GSG1L: variants seen among roughly 807,000 people sequenced by gnomAD.
GSG1L encodes the protein GSG1 like.
GSG1L carries 24 observed loss-of-function variants against 42.1 expected under a neutral mutation model. The observed-to-expected ratio is 0.57, with a 90% CI of 0.41 to 0.80. GSG1L has a LOEUF of 0.80. Ranked by LOEUF, GSG1L falls within the 30% of genes least tolerant of loss-of-function variation. GSG1L has a pLI of 0.00. For synonymous variants in GSG1L, 215 were observed against 203.5 expected, an observed-to-expected ratio of 1.06 and a Z score of -0.48; for missense variants, 445 against 472.2, an observed-to-expected ratio of 0.94 and a Z score of 0.53.
chr16:27,829,139 A>C (rs1362968953), intron 4 of GSG1L, among the ~76,000 whole-genome samples, 183 bp from the exon 5 acceptor site: 2 of 152,198 alleles, frequency 1.3e-5, no homozygotes, highest in African/African-American at 2.4e-5. Context: ...GGAGACAGAG[A>C]ATTATCTGCA....
intron 2 of GSG1L, among the ~76,000 whole-genome samples, chr16:27,890,528 G>A (rs1567507126): frequency 6.6e-6 from 1 of 152,224 alleles, no homozygotes; most frequent in African/African-American, 2.4e-5. Context: ...ATGAGGACAA[G>A]TAGATAAACT....
intron 3 of GSG1L, among the ~76,000 whole-genome samples, chr16:27,861,318 A>G (rs1453655089): frequency 1.3e-5 from 2 of 152,120 alleles, no homozygotes; most frequent in Non-Finnish European, 2.9e-5. Context: ...CGGAGGTTGC[A>G]GTGAGCCGAG....
intron 2 of GSG1L, among the ~76,000 whole-genome samples, chr16:27,931,204 T>A (rs775736171): frequency 6.6e-6 from 1 of 152,200 alleles, no homozygotes; most frequent in Non-Finnish European, 1.5e-5. Flanking sequence ...ACAACAAATT[T>A]CCCATCTCAG....
chr16:27,850,832 C>T (rs1022573212), intron 3 of GSG1L, among the ~76,000 whole-genome samples: 3 of 149,370 alleles, frequency 2.0e-5, no homozygotes, highest in African/African-American at 7.5e-5. Context: ...GTACAGACAG[C>T]GTCCCTCCAT....
At chr16:27,796,901 G>T (rs970272933) in intron 6 of GSG1L, among the ~76,000 whole-genome samples, 1 of 152,250 alleles carries the variant, frequency 6.6e-6, no homozygotes, top group South Asian at 2.1e-4. Flanking sequence ...CTGGCTGCTG[G>T]GTTTACAGAC....
At chr16:27,795,884 GC>G (rs1228029560) in intron 6 of GSG1L, among the ~76,000 whole-genome samples, 1 of 152,072 alleles carries the variant, frequency 6.6e-6, no homozygotes, top group Non-Finnish European at 1.5e-5. Context: ...CCCTCTCTAA[GC>G]CACCAAGATC....
intron 2 of GSG1L, chr16:27,888,084 G>A: frequency 1.0e-6 from 1 of 985,144 alleles, no homozygotes; most frequent in Non-Finnish European, 1.2e-6. Context: ...TGCTCCTATC[G>A]CTGGGTTTCC....
chr16:27,944,416 G>A (rs1197221697), intron 2 of GSG1L, among the ~76,000 whole-genome samples: 1 of 152,014 alleles, frequency 6.6e-6, no homozygotes, highest in Non-Finnish European at 1.5e-5. Context: ...GAGGTCAGGA[G>A]TTTGAGACCA....
chr16:27,854,432 G>A (rs1365580340), intron 3 of GSG1L, among the ~76,000 whole-genome samples: 1 of 152,094 alleles, frequency 6.6e-6, no homozygotes, highest in Non-Finnish European at 1.5e-5. Context: ...ATATGAGCAG[G>A]GCTTCCCTAA....
At position 27,789,158 on chromosome 16, in the gene GSG1L, TGATGGATGATGGATAGATGAAGG is replaced by T. The variant is rs1270564348; in HGVS notation, c.*2189_*2211del. The stretch of plus-strand genomic sequence containing the variant: ...ATGGATGGATGAATGGATGGATAAT[TGATGGATGATGGATAGATGAAGG>T]AATGGATGGATGATAGATAGGTGTA... On this transcript the variant is annotated 3_prime_UTR_variant, in exon 7 of 7. Coordinates refer to ENST00000447459, the MANE Select transcript of GSG1L (RefSeq NM_001109763.2). 2.6e-5 allele frequency: 4 copies of T among 151,642 alleles called. No homozygotes were observed. Among genetic ancestry groups the T allele is most frequent in the African/African-American group, 9.7e-5 (4 of 41,242 alleles). The allele number at this position is 151,642 out of a possible 1,614,324, so 9.4% of individuals were successfully genotyped here.
At chr16:27,874,539 C>T (rs1298050746) in intron 3 of GSG1L, among the ~76,000 whole-genome samples, 1 of 145,680 alleles carries the variant, frequency 6.9e-6, no homozygotes, top group African/African-American at 2.5e-5. Flanking sequence ...CCTCCTCAAC[C>T]TCCCAGGCTC....
intron 2 of GSG1L, among the ~76,000 whole-genome samples, chr16:27,932,458 A>C (rs2084667409): frequency 6.6e-6 from 1 of 152,196 alleles, no homozygotes; most frequent in Non-Finnish European, 1.5e-5. Context: ...CAATCATAGC[A>C]AAAGGCAAAG....
At chr16:27,892,207 C>T (rs1194941203) in intron 2 of GSG1L, among the ~76,000 whole-genome samples, 2 of 152,106 alleles carry the variant, frequency 1.3e-5, no homozygotes, top group Non-Finnish European at 2.9e-5. Context: ...CTAATCCCAG[C>T]GCTTTGAGAG....
chr16:27,997,309 CTTT>C (rs34188570), intron 1 of GSG1L, among the ~76,000 whole-genome samples: 1 of 70,594 alleles, frequency 1.4e-5, no homozygotes, highest in Admixed American at 1.9e-4. Flanking sequence ...GTGTTCTCCA[CTTT>C]TTTTTTTTTT....
In GSG1L at chr16:27,821,853, G is replaced by A. The variant is rs148978412; in HGVS notation, c.830+6936C>T. On this transcript the variant is annotated intron_variant, in intron 5 of 6. Transcript: ENST00000447459. ...CAGGAGGCAGAGCTTGCAGTGAGCAGAGATCACGCCACTGCACTCCAGCCT... is the reference window on the plus strand; with the variant it reads ...CAGGAGGCAGAGCTTGCAGTGAGCAAAGATCACGCCACTGCACTCCAGCCT... Among the ~76,000 whole-genome samples the A allele has an allele frequency of 4.6e-4, 70 of 152,258 alleles. 4 individuals carry two copies. In the East Asian group the frequency reaches 0.011, roughly 24 times the overall value.
intron 1 of GSG1L, among the ~76,000 whole-genome samples, chr16:28,010,103 G>A (rs1475508242): frequency 2.6e-5 from 4 of 152,192 alleles, no homozygotes; most frequent in Non-Finnish European, 5.9e-5. Context: ...AAGAGACACC[G>A]GGAACTCCTT....
At chr16:27,992,977 T>C (rs2085471760) in intron 1 of GSG1L, among the ~76,000 whole-genome samples, 1 of 152,202 alleles carries the variant, frequency 6.6e-6, no homozygotes, top group Admixed American at 6.5e-5. Flanking sequence ...ATTGAGAACG[T>C]ACTATGTGCC....
chr16:27,886,648 G>A (rs2141026473), intron 2 of GSG1L, among the ~76,000 whole-genome samples: 1 of 152,356 alleles, frequency 6.6e-6, no homozygotes, highest in East Asian at 1.9e-4. Flanking sequence ...TCTTGACGAG[G>A]TCAAGGCTAG....
chr16:27,909,164 C>T (rs2084352176), intron 2 of GSG1L, among the ~76,000 whole-genome samples: 1 of 152,052 alleles, frequency 6.6e-6, no homozygotes, highest in Admixed American at 6.6e-5. Flanking sequence ...AGCAAGAGTT[C>T]TCTCTAGTTA....
Sources: gnomAD v4.1 joint callset for allele counts (sites outside exome capture counted in the v4.1 genomes callset) on GRCh38, gnomAD v4.1.1 for gene constraint, MANE v1.5 for transcripts, NCBI Gene and HGNC (gene_info 2026-07-23, HGNC 2026-07-21) for gene names.